Variants in MBD5 observed in about 807,000 individuals in gnomAD.
The protein encoded by MBD5 is methyl-CpG-binding domain protein 5.
In MBD5, 13 loss-of-function variants were observed where a neutral mutation model predicts 117.3. That is an observed-to-expected ratio of 0.11 (90% confidence interval 0.07 to 0.18). The LOEUF (loss-of-function observed/expected upper bound fraction) is 0.18. Among genes scored for constraint, MBD5 ranks in the 10% least tolerant of loss-of-function variants. The probability of loss-of-function intolerance (pLI) is 1.00; values close to 1 mark genes in which losing one functional copy is unlikely to be tolerated. For synonymous variants in MBD5, 727 were observed against 766.4 expected (o/e 0.95, Z 0.85); for missense variants, 1,879 against 2,093.8 (o/e 0.90, Z 2.00).
chr2:148,442,846 T>A (rs2105411452), intron 4 of MBD5, among the ~76,000 whole-genome samples: 1 of 151,200 alleles, frequency 6.6e-6, no homozygotes, highest in African/African-American at 2.5e-5. Flanking sequence ...TGGGCAAAAA[T>A]TTCTTGAGTA....
chr2:148,364,984 A>C (rs1396654555), intron 4 of MBD5, among the ~76,000 whole-genome samples: 3 of 152,216 alleles, frequency 2.0e-5, no homozygotes, highest in African/African-American at 7.2e-5. Flanking sequence ...TGGACCAAGC[A>C]GACCTAATAG....
At chr2:148,263,908 G>A (rs577693154) in intron 3 of MBD5, among the ~76,000 whole-genome samples, 1 of 152,164 alleles carries the variant, frequency 6.6e-6, no homozygotes, top group East Asian at 1.9e-4. Flanking sequence ...GGCTGTATAT[G>A]GGTTACTTCT....
rs192022630 is a variant in MBD5 at position 148,378,592 on chromosome 2, C to T, written c.-557+36256C>T. Among the ~76,000 whole-genome samples, 753 of 151,912 alleles carry T rather than the reference C, an allele frequency of 5.0e-3. 5 individuals are homozygous for T. Among genetic ancestry groups the T allele is most frequent in the Admixed American group, 8.4e-3 (128 of 15,282 alleles). On this transcript the variant is annotated intron_variant, in intron 4 of 13. Coordinates refer to ENST00000642680, the MANE Select transcript of MBD5 (RefSeq NM_001378120.1). ...GCTGTGTTTGAGAGAACTTTTTTCT[C>T]ACTAGAAATACTGTTTTTCTATTAT... is the stretch of plus-strand genomic sequence containing the variant.
At chr2:148,282,700 A>G (rs186372608) in intron 3 of MBD5, among the ~76,000 whole-genome samples, 1 of 151,696 alleles carries the variant, frequency 6.6e-6, no homozygotes, top group South Asian at 2.1e-4. Context: ...TTTGTAAAAT[A>G]CATGTAGCAT....
intron 6 of MBD5, among the ~76,000 whole-genome samples, chr2:148,463,251 G>A (rs1224061641): frequency 6.6e-6 from 1 of 152,042 alleles, no homozygotes; most frequent in Non-Finnish European, 1.5e-5. Context: ...TTTCATTTGT[G>A]TGTCACCGCA....
intron 11 of MBD5, among the ~76,000 whole-genome samples, chr2:148,492,099 C>G (rs1318450643): frequency 4.6e-5 from 7 of 151,378 alleles, no homozygotes; most frequent in Non-Finnish European, 8.8e-5. Flanking sequence ...AAACAATGGT[C>G]TAGATCTTCT....
intron 4 of MBD5, among the ~76,000 whole-genome samples, chr2:148,357,527 G>C (rs146040231): frequency 5.5e-4 from 83 of 150,210 alleles, no homozygotes; most frequent in Non-Finnish European, 9.2e-4. Flanking sequence ...TAAAATTCAT[G>C]TTGTACTTGA....
Position 148,149,174 on chromosome 2 carries a change from G to C in MBD5, c.-924-29526G>C, listed in dbSNP as rs13002357. Among the ~76,000 whole-genome samples, 802 of 142,074 alleles carry C rather than the reference G, an allele frequency of 5.6e-3. 6 individuals carry two copies. The highest frequency in any genetic ancestry group is 0.018 in the South Asian group (75 of 4,234). 93.2% of individuals were successfully genotyped at this position (142,074 alleles called of 152,430 possible). ...CTCATTGTTCAATTCCCACCTATGAGTGAGAATATGCGGTGTTTGGTTTTT... is the reference window on the plus strand; with the variant it reads ...CTCATTGTTCAATTCCCACCTATGACTGAGAATATGCGGTGTTTGGTTTTT... On this transcript the variant is annotated intron_variant, in intron 1 of 13. Coordinates refer to ENST00000642680, the MANE Select transcript of MBD5 (RefSeq NM_001378120.1).
chr2:148,165,597 C>T (rs1558955017), intron 1 of MBD5, among the ~76,000 whole-genome samples: 1 of 152,010 alleles, frequency 6.6e-6, no homozygotes, highest in Non-Finnish European at 1.5e-5. Flanking sequence ...GTGAACCCAT[C>T]GTACTAAGAT....
chr2:148,460,131 A>G (rs774248807), intron 5 of MBD5: 2 of 152,192 alleles, frequency 1.3e-5, no homozygotes, highest in Non-Finnish European at 2.9e-5. Context: ...GTTCTAGTTT[A>G]TAAAGAGCAA....
chr2:148,386,713 C>T (rs1337465589), intron 4 of MBD5, among the ~76,000 whole-genome samples: 21 of 79,108 alleles, frequency 2.7e-4, no homozygotes, highest in South Asian at 1.5e-3. Context: ...AGCGAGACTC[C>T]GTCTCAAAAA....
At chr2:148,342,875 G>A (rs985349872) in intron 4 of MBD5, among the ~76,000 whole-genome samples, 1 of 151,948 alleles carries the variant, frequency 6.6e-6, no homozygotes, top group African/African-American at 2.4e-5. Context: ...TCCTCATGCA[G>A]GTACTGAGCA....
intron 1 of MBD5, among the ~76,000 whole-genome samples, chr2:148,073,859 A>G (rs2105100703): frequency 6.6e-6 from 1 of 152,316 alleles, no homozygotes; most frequent in East Asian, 1.9e-4. Flanking sequence ...GCCATATGCC[A>G]TAACTACTAT....
Position 148,483,799 on chromosome 2 carries a change from C to A in MBD5, c.3208C>A (p.Pro1070Thr), listed in dbSNP as rs1310374559. The A allele has an allele frequency of 6.4e-7, 1 of 1,550,560 alleles. No homozygotes were observed. The highest frequency in any genetic ancestry group is 1.4e-5 in the African/African-American group (1 of 73,160). Reference protein sequence around the residue: ...SFAGSDTTFNPLFLPAVNGAS... With the variant: ...SFAGSDTTFNTLFLPAVNGAS... Reference sequence around the variant, plus strand: ...TGCAGGCAGTGACACTACTTTTAACCCCCTGTTCCTCCCAGCTGTCAATGG... The same window carrying A: ...TGCAGGCAGTGACACTACTTTTAACACCCTGTTCCTCCCAGCTGTCAATGG... The change falls in exon 9 of 14, where the codon CCC becomes ACC. Residue 1070 changes from proline (P) to threonine (T), a missense_variant. By Grantham distance (38) the Pro-to-Thr change is conservative. Coordinates refer to ENST00000642680, the MANE Select transcript of MBD5 (RefSeq NM_001378120.1).
At position 148,186,611 on chromosome 2, in the gene MBD5, A is replaced by AT. The variant is rs1306942129; in HGVS notation, c.-831+7824dup. Among the ~76,000 whole-genome samples, 24 of 152,302 alleles carry AT rather than the reference A, an allele frequency of 1.6e-4. 1 individual carries two copies. In the South Asian group the frequency reaches 3.3e-3, roughly 21 times the overall value. On this transcript the variant is annotated intron_variant, in intron 2 of 13. Coordinates refer to ENST00000642680, the MANE Select transcript of MBD5 (RefSeq NM_001378120.1). ...CAAATTAAAATAGAGACTTTTAGAG[A>AT]TTTTTTAATAACAGGACATTTTGCC...
chr2:148,180,297 C>T (rs1295489572), intron 2 of MBD5, among the ~76,000 whole-genome samples: 1 of 143,060 alleles, frequency 7.0e-6, no homozygotes, highest in Non-Finnish European at 1.5e-5. Context: ...ATGGTTCCTT[C>T]TTCTCCACAG....
chr2:148,411,379 G>C (rs1559059855), intron 4 of MBD5, among the ~76,000 whole-genome samples: 1 of 152,016 alleles, frequency 6.6e-6, no homozygotes. Context: ...GGGATCACTG[G>C]GTCGAGTGAC....
intron 8 of MBD5, among the ~76,000 whole-genome samples, chr2:148,472,988 A>G (rs1680845332): frequency 6.6e-6 from 1 of 152,154 alleles, no homozygotes; most frequent in African/African-American, 2.4e-5. Context: ...GGTTCATCTG[A>G]TTCTAAAATC....
At chr2:148,031,990 T>C (rs1694051904) in intron 1 of MBD5, among the ~76,000 whole-genome samples, 2 of 152,184 alleles carry the variant, frequency 1.3e-5, no homozygotes, top group Admixed American at 1.3e-4. Context: ...ACCCCTATGA[T>C]GTAAATTACC....
Sources: gnomAD v4.1 joint callset for allele counts (sites outside exome capture counted in the v4.1 genomes callset) on GRCh38, gnomAD v4.1.1 for gene constraint, MANE v1.5 for transcripts, NCBI Gene and HGNC (gene_info 2026-07-23, HGNC 2026-07-21) for gene names.